Variants in RBFOX3 observed in about 807,000 individuals in gnomAD.
RBFOX3 encodes RNA binding fox-1 homolog 3.
RBFOX3 carries 17 observed loss-of-function variants against 48.7 expected under a neutral mutation model. The ratio of observed to expected loss-of-function variants is 0.35; its 90% CI spans 0.24 to 0.52. The LOEUF is 0.52. RBFOX3 is among the 20% of genes least tolerant of loss of function. The pLI, the probability that RBFOX3 is intolerant of heterozygous loss-of-function variation, is 0.94. For synonymous variants in RBFOX3, 212 were observed against 209.5 expected (o/e 1.01, Z -0.10); for missense variants, 382 against 497.5 (o/e 0.77, Z 2.21).
the RBFOX3 span, among the ~76,000 whole-genome samples, chr17:79,620,045 A>G: frequency 3.4e-4 from 52 of 151,542 alleles, no homozygotes; most frequent in African/African-American, 8.5e-4. Context: ...ATATGCACAC[A>G]CGCACATGCA....
intron 2 of RBFOX3, among the ~76,000 whole-genome samples, chr17:79,374,313 A>G (rs540071403): frequency 2.0e-5 from 3 of 152,172 alleles, no homozygotes; most frequent in South Asian, 2.1e-4. Flanking sequence ...CATCTCCCAG[A>G]GGGGTTTCCA....
intron 2 of RBFOX3, among the ~76,000 whole-genome samples, chr17:79,459,610 AC>A (rs1487252821): frequency 6.0e-5 from 9 of 151,106 alleles, no homozygotes; most frequent in African/African-American, 2.2e-4. Flanking sequence ...CACCACCCCC[AC>A]CCCCACCAAT....
chr17:79,415,041 C>T (rs369841008), intron 2 of RBFOX3, among the ~76,000 whole-genome samples: 24 of 152,286 alleles, frequency 1.6e-4, no homozygotes, highest in Admixed American at 1.3e-3. Flanking sequence ...GGTCCACATG[C>T]GGACAAAGAC....
chr17:79,561,632 C>G (rs907959318), intron 1 of RBFOX3, among the ~76,000 whole-genome samples: 2 of 152,182 alleles, frequency 1.3e-5, no homozygotes, highest in African/African-American at 4.8e-5. Flanking sequence ...TGTATGCAGA[C>G]CCCTCGAGGC....
intron 1 of RBFOX3, among the ~76,000 whole-genome samples, chr17:79,594,689 T>G (rs1432753920): frequency 6.6e-6 from 1 of 152,240 alleles, no homozygotes; most frequent in East Asian, 1.9e-4. Flanking sequence ...TACATCAATG[T>G]GACGTCTAAC....
At chr17:79,157,381 C>T (rs1007003678) in intron 4 of RBFOX3, among the ~76,000 whole-genome samples, 1 of 152,220 alleles carries the variant, frequency 6.6e-6, no homozygotes, top group African/African-American at 2.4e-5. Context: ...TCCACAGACA[C>T]TGACCACAAA....
chr17:79,224,361 T>G (rs549525154), intron 4 of RBFOX3, among the ~76,000 whole-genome samples: 1 of 152,286 alleles, frequency 6.6e-6, no homozygotes, highest in East Asian at 1.9e-4. Flanking sequence ...GCCACAGGCA[T>G]TGTGTGGACT....
chr17:79,289,592 C>CGATG (rs2072808712), intron 3 of RBFOX3, among the ~76,000 whole-genome samples: 1 of 152,250 alleles, frequency 6.6e-6, no homozygotes, highest in African/African-American at 2.4e-5. Context: ...TTTTTCCAGA[C>CGATG]ACGATGTTAA....
chr17:79,495,527 GTGCAGA>G, intron 1 of RBFOX3, among the ~76,000 whole-genome samples: 5 of 56,638 alleles, frequency 8.8e-5, no homozygotes, highest in Non-Finnish European at 1.7e-4. Flanking sequence ...TGGGGGAGGG[GTGCAGA>G]GGGTGGGGAG....
At chr17:79,250,483 T>C (rs2063774654) in intron 3 of RBFOX3, among the ~76,000 whole-genome samples, 1 of 151,774 alleles carries the variant, frequency 6.6e-6, no homozygotes, top group African/African-American at 2.4e-5. Flanking sequence ...GTAGGAGGAG[T>C]TCCTGATGAG....
the RBFOX3 span, among the ~76,000 whole-genome samples, chr17:79,659,501 A>C: frequency 6.6e-6 from 1 of 151,822 alleles, no homozygotes; most frequent in Non-Finnish European, 1.5e-5. Context: ...AAGGTCAAGG[A>C]GATAGGCAGG....
At chr17:79,594,714 A>G (rs1253944456) in intron 1 of RBFOX3, among the ~76,000 whole-genome samples, 1 of 152,250 alleles carries the variant, frequency 6.6e-6, no homozygotes, top group Admixed American at 6.5e-5. Context: ...GGCACCTTAT[A>G]AATCAGAGGC....
At chr17:79,656,483 G>T in the RBFOX3 span, among the ~76,000 whole-genome samples, 3 of 151,952 alleles carry the variant, frequency 2.0e-5, no homozygotes, top group Non-Finnish European at 4.4e-5. Flanking sequence ...ACATGGTGGC[G>T]TGTGCCTGTA....
At chr17:79,611,160 C>CCGCCCTCCT (rs2093962963), upstream of RBFOX3, among the ~76,000 whole-genome samples, 1 of 35,736 alleles carries the variant, frequency 2.8e-5, no homozygotes, top group African/African-American at 7.9e-5. Context: ...CTCTCTCTCT[C>CCGCCCTCCT]TCTCTCTCTC....
chr17:79,267,869 C>T (rs560120787), intron 3 of RBFOX3, among the ~76,000 whole-genome samples: 4 of 152,250 alleles, frequency 2.6e-5, no homozygotes, highest in Admixed American at 1.3e-4. Flanking sequence ...GAGCTAGGAA[C>T]GCGCAAGGCA....
At chr17:79,475,612 A>G (rs892851708) in intron 2 of RBFOX3, among the ~76,000 whole-genome samples, 3 of 152,174 alleles carry the variant, frequency 2.0e-5, no homozygotes, top group Non-Finnish European at 4.4e-5. Flanking sequence ...CGATCCAATG[A>G]CTGGTGTCCT....
In RBFOX3 at chr17:79,390,103, G is replaced by T. The variant is rs1398224971; in HGVS notation, c.-174-82279C>A. On this transcript the variant is annotated intron_variant, in intron 2 of 14. Transcript: ENST00000693108. The surrounding 1 kb of genome is among the most constrained non-coding windows in gnomAD (Gnocchi z 4.2). Reference sequence around the variant, plus strand: ...GGGTCTCCGCAGCCTCCGGGTCTCCGTAGCCAGCCACCCGGCCGAGGGGCT... The same window carrying T: ...GGGTCTCCGCAGCCTCCGGGTCTCCTTAGCCAGCCACCCGGCCGAGGGGCT... Among the ~76,000 whole-genome samples, 1 of 152,074 alleles carries T rather than the reference G, an allele frequency of 6.6e-6. No homozygotes were observed. The highest frequency in any genetic ancestry group is 1.5e-5 in the Non-Finnish European group (1 of 68,014).
In RBFOX3 at chr17:79,480,870, T is replaced by C. The variant is rs2078680537; in HGVS notation, c.-175+1584A>G. ...GCCTGACATACATTTATTCGCCATG[T>C]CCCTGCTAAAATATAAACACCATGA... On this transcript the variant is annotated intron_variant, in intron 2 of 14. Transcript: ENST00000693108. The surrounding 1 kb of genome is among the most constrained non-coding windows in gnomAD (Gnocchi z 4.8). 6.6e-6 allele frequency among the ~76,000 whole-genome samples: 1 copy of C among 152,204 alleles called. No homozygotes were observed. Among genetic ancestry groups the C allele is most frequent in the African/African-American group, 2.4e-5 (1 of 41,454 alleles).
chr17:79,198,143 T>G lies in RBFOX3; in HGVS notation c.-34+37623A>C, dbSNP rs1202250423. Among the ~76,000 whole-genome samples the G allele has an allele frequency of 6.6e-6, 1 of 151,892 alleles. No individual in the cohort carries two copies. Among genetic ancestry groups the G allele is most frequent in the East Asian group, 1.9e-4 (1 of 5,154 alleles). On this transcript the variant is annotated intron_variant, in intron 4 of 14. Transcript: ENST00000693108. This position sits in a 1 kb window ranked among gnomAD's most constrained non-coding sequence, Gnocchi z 8.2. ...TCATCCCGGAAGTGCTACGGTTGCA[T>G]CGTGTGGGGTGGGCTGTCATCCCGG...
Sources: gnomAD v4.1 joint callset for allele counts (sites outside exome capture counted in the v4.1 genomes callset) on GRCh38, gnomAD v4.1.1 for gene constraint, Gnocchi (gnomAD v3.1) non-coding constraint, MANE v1.5 for transcripts, NCBI Gene and HGNC (gene_info 2026-07-23, HGNC 2026-07-21) for gene names.